The following UBR3 variants were observed in gnomAD, a reference collection of about 807,000 sequenced individuals.
The protein encoded by UBR3 is ubiquitin protein ligase E3 component n-recognin 3.
Under a neutral mutation model 243.2 loss-of-function variants are expected in UBR3, and 85 were observed. That is an observed-to-expected ratio of 0.35 (90% CI 0.29 to 0.42). UBR3 has a LOEUF of 0.42. UBR3 is among the 10% of genes least tolerant of loss of function. The probability of loss-of-function intolerance (pLI) is 1.00; values close to 1 mark genes in which losing one functional copy is unlikely to be tolerated. For synonymous variants in UBR3, 748 were observed against 799.8 expected (o/e 0.94, Z 1.09); for missense variants, 1,686 against 2,300.8 (o/e 0.73, Z 5.47).
At chr2:169,983,715 G>C (rs1400160301) in intron 24 of UBR3, among the ~76,000 whole-genome samples, 2 of 152,140 alleles carry the variant, frequency 1.3e-5, no homozygotes, top group African/African-American at 4.8e-5. Context: ...GCGGTCATTT[G>C]GCTAAGTGTA....
At chr2:170,011,492 C>T (rs559162645) in intron 29 of UBR3, among the ~76,000 whole-genome samples, 4 of 152,098 alleles carry the variant, frequency 2.6e-5, no homozygotes, top group African/African-American at 9.6e-5. Flanking sequence ...GTATTAGTAA[C>T]GTGAGTGGAA....
intron 23 of UBR3, among the ~76,000 whole-genome samples, chr2:169,952,730 A>G (rs2087095483): frequency 4.0e-5 from 6 of 151,714 alleles, no homozygotes. Context: ...TTATATTAAT[A>G]TATGCAAAAG....
chr2:170,030,558 C>A (rs2090641561), intron 31 of UBR3, among the ~76,000 whole-genome samples: 1 of 151,986 alleles, frequency 6.6e-6, no homozygotes, highest in Admixed American at 6.6e-5. Flanking sequence ...ATAATATTAA[C>A]ATAATTATTT....
chr2:170,038,614 T>C (rs549065689), intron 31 of UBR3, among the ~76,000 whole-genome samples: 2 of 152,272 alleles, frequency 1.3e-5, no homozygotes, highest in South Asian at 4.1e-4. Context: ...CATTAGGACT[T>C]AGTGCCAATT....
intron 31 of UBR3, among the ~76,000 whole-genome samples, chr2:170,034,282 T>C (rs1559205223): frequency 1.3e-5 from 2 of 152,008 alleles, no homozygotes; most frequent in Admixed American, 1.3e-4. Flanking sequence ...ACCGTTGTAG[T>C]ATCATACAAA....
intron 26 of UBR3, among the ~76,000 whole-genome samples, chr2:169,998,899 C>T (rs7588699): frequency 0.095 from 14,484 of 152,144 alleles, 830 homozygotes; most frequent in African/African-American, 0.16. Context: ...GTTATCATTC[C>T]TCTCTTGTAA....
chr2:169,914,223 T>A, intron 11 of UBR3, 77 bp downstream of exon 11: 1 of 733,058 alleles, frequency 1.4e-6, no homozygotes, highest in Non-Finnish European at 2.0e-6. Context: ...TTTCATTTAA[T>A]GTTGAAAATA....
chr2:169,836,033 C>A (rs867521328), intron 1 of UBR3, among the ~76,000 whole-genome samples: 13 of 20,240 alleles, frequency 6.4e-4, no homozygotes, highest in African/African-American at 1.7e-3. Context: ...CTCTCTCTCT[C>A]TCTCTCTCTC....
intron 30 of UBR3, among the ~76,000 whole-genome samples, chr2:170,027,779 T>C (rs1371043058): frequency 3.9e-5 from 6 of 151,928 alleles, no homozygotes; most frequent in Non-Finnish European, 5.9e-5. Flanking sequence ...CTTAGTAGTC[T>C]CATATGTATA....
chr2:170,080,516 A>G, intron 37 of UBR3, 29 bp from the exon 38 acceptor site: 1 of 1,542,374 alleles, frequency 6.5e-7, no homozygotes, highest in Non-Finnish European at 8.8e-7. Context: ...TTGATTATGA[A>G]GTTCATTAAT....
At position 170,076,200 on chromosome 2, in the gene UBR3, T is replaced by C. The variant is rs529159976; in HGVS notation, c.5199+2593T>C. ...GTTGGGGACAGCCCCATCAGAACTG[T>C]ACGGAGCAAGAAAAGGGGTTATTTT... On this transcript the variant is annotated intron_variant, in intron 36 of 38. Coordinates refer to ENST00000272793, the MANE Select transcript of UBR3 (RefSeq NM_172070.4). Among the ~76,000 whole-genome samples the C allele has an allele frequency of 4.6e-5, 7 of 152,260 alleles. No homozygotes were observed. The South Asian group carries it at 1.2e-3, about 27-fold the overall frequency.
In UBR3 at chr2:170,081,831, C is replaced by T; in HGVS notation, c.5655C>T (p.Tyr1885=). The T allele has an allele frequency of 6.3e-7, 1 of 1,598,338 alleles. No individual in the cohort carries two copies. The highest frequency in any genetic ancestry group is 8.5e-7 in the Non-Finnish European group (1 of 1,171,324). The change falls in exon 39 of 39, where the codon TAC becomes TAT. Residue 1885 remains tyrosine (Y), a synonymous_variant. Transcript: ENST00000272793. ...TCAATAAAAGATGGGGTCCACATTA[C>T]AATGGGCTGTGACTCTCCACCTCAG... The part of the protein sequence containing the change: ...DHINKRWGPH[Y]NGL
intron 30 of UBR3, among the ~76,000 whole-genome samples, chr2:170,021,199 C>T (rs1160184121): frequency 6.6e-6 from 1 of 152,120 alleles, no homozygotes; most frequent in Non-Finnish European, 1.5e-5. Flanking sequence ...AATATTTCTC[C>T]TATTTCAACA....
In UBR3 at chr2:169,847,304, C is replaced by T. The variant is rs186751898; in HGVS notation, c.545+19252C>T. 2.9e-3 allele frequency among the ~76,000 whole-genome samples: 443 copies of T among 152,162 alleles called. 2 individuals are homozygous for T. The highest frequency in any genetic ancestry group is 5.0e-3 in the South Asian group (24 of 4,822). ...GTTTGCTTTTTCTCTTTTATGCCTT[C>T]TTCAGACTTTTTAAAATGTTTCCAT... On this transcript the variant is annotated intron_variant, in intron 1 of 38. Transcript: ENST00000272793.
chr2:169,986,781 A>G lies in UBR3; in HGVS notation c.3771A>G (p.Leu1257=). Residue 1257 remains leucine (L), a synonymous_variant, in exon 25 of 39, where the codon TTA becomes TTG. Coordinates refer to ENST00000272793, the MANE Select transcript of UBR3 (RefSeq NM_172070.4). ...GACCTACTGGATTAGTTGTACTGTT[A>G]CAAGCATCCTCAGGTAAAATCAAAG... is the stretch of plus-strand genomic sequence containing the variant. ...EDRPTGLVVL[L]QASSVLGQCR... The G allele has an allele frequency of 1.2e-6, 2 of 1,614,000 alleles. No homozygotes were observed. Among genetic ancestry groups the G allele is most frequent in the Admixed American group, 1.7e-5 (1 of 59,982 alleles).
At chr2:169,867,975 C>T (rs2083313279) in intron 1 of UBR3, among the ~76,000 whole-genome samples, 1 of 151,870 alleles carries the variant, frequency 6.6e-6, no homozygotes. Context: ...AAATTTAAAA[C>T]ATATATAAAA....
intron 36 of UBR3, chr2:170,078,260 T>C: frequency 2.3e-6 from 1 of 429,924 alleles, no homozygotes; most frequent in East Asian, 6.2e-5. Context: ...TCCATGGCAT[T>C]TACAGTGTAA....
chr2:170,023,021 C>A (rs553391906), intron 30 of UBR3, among the ~76,000 whole-genome samples: 2 of 152,292 alleles, frequency 1.3e-5, no homozygotes, highest in South Asian at 2.1e-4. Context: ...ACACCTATTA[C>A]ATTCACCTTA....
intron 1 of UBR3, among the ~76,000 whole-genome samples, chr2:169,860,581 CT>C (rs1237226062): frequency 6.6e-6 from 1 of 151,396 alleles, no homozygotes; most frequent in African/African-American, 2.4e-5. Context: ...GTGAGTTTTT[CT>C]GTTTTTTTTT....
Sources: allele counts gnomAD v4.1 joint callset (sites outside exome capture counted in the v4.1 genomes callset), GRCh38; gene constraint gnomAD v4.1.1; transcripts MANE v1.5; gene names NCBI Gene and HGNC (gene_info 2026-07-23, HGNC 2026-07-21).